GDPD4: variants seen among roughly 807,000 people sequenced by gnomAD.
The protein encoded by GDPD4 is glycerophosphodiester phosphodiesterase domain containing 4.
A neutral mutation model predicts 67.8 loss-of-function variants in GDPD4; 60 were observed. That is an observed-to-expected ratio of 0.88 (90% CI 0.72 to 1.10). The LOEUF is 1.10. Among genes scored for constraint, GDPD4 ranks in the 50% least tolerant of loss-of-function variants. The pLI is 0.00. For missense variants in GDPD4, 623 were observed against 613.9 expected, an observed-to-expected ratio of 1.01 and a Z score of -0.16; for synonymous variants, 212 against 210.9, an observed-to-expected ratio of 1.00 and a Z score of -0.04.
chr11:77,283,949 A>G (rs1959875354), intron 3 of GDPD4, among the ~76,000 whole-genome samples: 2 of 144,546 alleles, frequency 1.4e-5, no homozygotes, highest in South Asian at 4.3e-4. Context: ...TCTGCCTCCC[A>G]GGCCCAAGGG....
At chr11:77,286,187 A>G (rs1959984330) in intron 2 of GDPD4, among the ~76,000 whole-genome samples, 1 of 152,078 alleles carries the variant, frequency 6.6e-6, no homozygotes. Flanking sequence ...TACTCCTCCA[A>G]TACCAATTCT....
At chr11:77,288,348 G>A (rs565898465) in intron 1 of GDPD4, among the ~76,000 whole-genome samples, 2 of 152,078 alleles carry the variant, frequency 1.3e-5, no homozygotes, top group South Asian at 2.1e-4. Context: ...CTAAAAATTG[G>A]CCCACCTCGA....
intron 11 of GDPD4, among the ~76,000 whole-genome samples, chr11:77,251,231 A>AT (rs1958891786): frequency 6.6e-6 from 1 of 151,508 alleles, no homozygotes; most frequent in Admixed American, 6.6e-5. Flanking sequence ...CTTGTTTTTC[A>AT]TTTCAGTCTG....
At chr11:77,223,431 C>CAA (rs746662565) in intron 16 of GDPD4, among the ~76,000 whole-genome samples, 14 of 152,292 alleles carry the variant, frequency 9.2e-5, no homozygotes, top group Non-Finnish European at 1.6e-4. Context: ...TTCCTTCTAA[C>CAA]AAACAGTCAG....
At position 77,258,549 on chromosome 11, in the gene GDPD4, CAGAGGT is replaced by C. The variant is rs1565527618; in HGVS notation, c.708-13_708-8del. On this transcript the variant is annotated splice_polypyrimidine_tract_variant and splice_region_variant and intron_variant, in intron 10 of 16. Coordinates refer to ENST00000315938, the MANE Select transcript of GDPD4 (RefSeq NM_182833.3). ...GAAAGGCACATGATCATAACTGAGGCAGAGGTAGAAAAGAAGGGCAGGGGTAGATAG... is the reference window on the plus strand; with the variant it reads ...GAAAGGCACATGATCATAACTGAGGCAGAAAAGAAGGGCAGGGGTAGATAG... 6.2e-7 allele frequency: 1 copy of C among 1,613,510 alleles called. No homozygotes were observed. The highest frequency in any genetic ancestry group is 8.5e-7 in the Non-Finnish European group (1 of 1,179,568).
At chr11:77,218,764 T>A (rs1312629533) in intron 16 of GDPD4, among the ~76,000 whole-genome samples, 1 of 152,190 alleles carries the variant, frequency 6.6e-6, no homozygotes, top group Non-Finnish European at 1.5e-5. Context: ...GTATATGTGC[T>A]ACATTTTCTT....
At chr11:77,276,023 TA>T (rs953730065) in intron 5 of GDPD4, 137 bp downstream of exon 5, 19 of 640,416 alleles carry the variant, frequency 3.0e-5, no homozygotes, top group African/African-American at 1.6e-4. Context: ...ATGGTGTAAG[TA>T]AATCTCTTCT....
chr11:77,227,500 CCT>C (rs1958366025), intron 16 of GDPD4, among the ~76,000 whole-genome samples: 1 of 152,214 alleles, frequency 6.6e-6, no homozygotes, highest in Non-Finnish European at 1.5e-5. Context: ...CAGCCCCTCC[CCT>C]CTCTCAGGCC....
At chr11:77,263,180 C>T (rs1490081752) in intron 10 of GDPD4, among the ~76,000 whole-genome samples, 1 of 151,910 alleles carries the variant, frequency 6.6e-6, no homozygotes, top group Non-Finnish European at 1.5e-5. Flanking sequence ...TGGATCTACA[C>T]AAAAGAATAG....
In GDPD4 at chr11:77,276,839, T is replaced by C. The variant is rs983645231; in HGVS notation, c.148-619A>G. On this transcript the variant is annotated intron_variant, in intron 4 of 16. Coordinates refer to ENST00000315938, the MANE Select transcript of GDPD4 (RefSeq NM_182833.3). ...TAAGGCACTTACCTCTTTATCAAAA[T>C]AATTTCATGTGTATTTCATTTGTTC... 5.3e-5 allele frequency among the ~76,000 whole-genome samples: 8 copies of C among 152,326 alleles called. No individual in the cohort carries two copies. The East Asian group carries it at 1.5e-3, about 29-fold the overall frequency.
chr11:77,276,023 T>C (rs1029397950), intron 5 of GDPD4, 138 bp downstream of exon 5: 2 of 640,416 alleles, frequency 3.1e-6, no homozygotes, highest in African/African-American at 3.6e-5. Flanking sequence ...ATGGTGTAAG[T>C]AAATCTCTTC....
At chr11:77,274,606 G>T (rs1959365306) in intron 5 of GDPD4, among the ~76,000 whole-genome samples, 1 of 152,136 alleles carries the variant, frequency 6.6e-6, no homozygotes, top group East Asian at 1.9e-4. Flanking sequence ...CCAGATGCCA[G>T]TGCTATACTT....
chr11:77,221,482 G>A (rs1457468335), intron 16 of GDPD4, among the ~76,000 whole-genome samples: 3 of 152,132 alleles, frequency 2.0e-5, no homozygotes, highest in African/African-American at 4.8e-5. Context: ...CCTTCATTTC[G>A]TTATGTACCC....
intron 14 of GDPD4, 35 bp from the exon 15 acceptor site, chr11:77,229,267 A>T: frequency 7.7e-7 from 1 of 1,304,708 alleles, no homozygotes; most frequent in Non-Finnish European, 1.1e-6. Context: ...AGAACTTTAC[A>T]GTTAGAAGGG....
chr11:77,218,349 A>C (rs1958164539), intron 16 of GDPD4, among the ~76,000 whole-genome samples: 1 of 152,210 alleles, frequency 6.6e-6, no homozygotes, highest in Admixed American at 6.5e-5. Flanking sequence ...AGGGATATAT[A>C]CCAGAGGCTG....
chr11:77,254,869 A>T (rs1410704081), intron 11 of GDPD4, among the ~76,000 whole-genome samples: 1 of 152,230 alleles, frequency 6.6e-6, no homozygotes, highest in Admixed American at 6.5e-5. Context: ...ATCAATAATC[A>T]TACCCAACCA....
At position 77,301,624 on chromosome 11, in the gene GDPD4, C is replaced by T. The variant is rs1938163822; in HGVS notation, c.-273G>A. ...ACTTACCGAGACTTCCCAGTCCCAACCCAAATCCAATCTTCACGCCTGAGG... is the reference window on the plus strand; with the variant it reads ...ACTTACCGAGACTTCCCAGTCCCAATCCAAATCCAATCTTCACGCCTGAGG... On this transcript the variant is annotated 5_prime_UTR_variant, in exon 1 of 17. Transcript: ENST00000315938. 1 of 152,206 alleles carries T rather than the reference C, an allele frequency of 6.6e-6. No individual in the cohort carries two copies. The highest frequency in any genetic ancestry group is 1.5e-5 in the Non-Finnish European group (1 of 68,086). The allele number at this position is 152,206 out of a possible 1,614,324, so 9.4% of individuals were successfully genotyped here.
At chr11:77,225,001 G>A (rs1329931314) in intron 16 of GDPD4, among the ~76,000 whole-genome samples, 3 of 151,650 alleles carry the variant, frequency 2.0e-5, no homozygotes, top group Non-Finnish European at 4.4e-5. Context: ...ATACTAGGGA[G>A]GCTAAGGCAG....
chr11:77,216,811 A>C lies in GDPD4; in HGVS notation c.*466T>G, dbSNP rs1208704448. ...ACCACCCTTAGGCAGAGAGAGGAAG[A>C]AGCAGGGGAGATGTGGCTAATTCTT... On this transcript the variant is annotated 3_prime_UTR_variant, in exon 17 of 17. Transcript: ENST00000315938. The C allele has an allele frequency of 8.0e-5, 49 of 612,592 alleles. 3 individuals are homozygous for C. In the South Asian group the frequency reaches 8.1e-4, roughly 10 times the overall value. 37.9% of individuals were successfully genotyped at this position (612,592 alleles called of 1,614,324 possible).
Sources: gnomAD v4.1 joint callset for allele counts (sites outside exome capture counted in the v4.1 genomes callset) on GRCh38, gnomAD v4.1.1 for gene constraint, MANE v1.5 for transcripts, NCBI Gene and HGNC (gene_info 2026-07-23, HGNC 2026-07-21) for gene names.